CEP128: variants seen among roughly 807,000 people sequenced by gnomAD.
CEP128 encodes centrosomal protein 128kDa.
A neutral mutation model predicts 156.7 loss-of-function variants in CEP128; 132 were observed. The ratio of observed to expected loss-of-function variants is 0.84; its 90% CI spans 0.73 to 0.97. The LOEUF (loss-of-function observed/expected upper bound fraction) is 0.97. Among genes scored for constraint, CEP128 ranks in the 50% least tolerant of loss-of-function variants. The pLI is 0.00. For synonymous variants in CEP128, 469 were observed against 448.9 expected (o/e 1.04, Z -0.57); for missense variants, 1,252 against 1,281.9 (o/e 0.98, Z 0.36).
At chr14:80,592,660 C>A (rs1595058353) in intron 19 of CEP128, among the ~76,000 whole-genome samples, 1 of 152,102 alleles carries the variant, frequency 6.6e-6, no homozygotes, top group Admixed American at 6.5e-5. Flanking sequence ...GAGGCCAGCA[C>A]CATCCTGATA....
rs71103882 is a variant in CEP128 at position 80,801,910 on chromosome 14, C to CAAAAAAAAAAAAAAAAAAAAAAA, written c.1210-8823_1210-8801dup. ...GTGACAGTGTGAGACTCTGTCTCCC[C>CAAAAAAAAAAAAAAAAAAAAAAA]AAAAAAAAAAAAAAAAAAAAAAAAA... On this transcript the variant is annotated intron_variant, in intron 13 of 24. Transcript: ENST00000555265. Among the ~76,000 whole-genome samples the CAAAAAAAAAAAAAAAAAAAAAAA allele has an allele frequency of 6.9e-5, 3 of 43,386 alleles. 1 individual carries two copies. Among genetic ancestry groups the CAAAAAAAAAAAAAAAAAAAAAAA allele is most frequent in the African/African-American group, 3.4e-4 (3 of 8,786 alleles). The allele number at this position is 43,386 out of a possible 152,430, so 28.5% of individuals were successfully genotyped here.
At chr14:80,812,933 T>G (rs897168898) in intron 13 of CEP128, among the ~76,000 whole-genome samples, 1 of 152,192 alleles carries the variant, frequency 6.6e-6, no homozygotes, top group African/African-American at 2.4e-5. Flanking sequence ...AGGTGGTATC[T>G]CCTTGTGTGT....
intron 15 of CEP128, among the ~76,000 whole-genome samples, chr14:80,778,782 G>A (rs1480231808): frequency 1.3e-5 from 2 of 152,074 alleles, no homozygotes; most frequent in Non-Finnish European, 2.9e-5. Flanking sequence ...AGATTTGTCA[G>A]GTATGTGAAC....
At position 80,598,222 on chromosome 14, in the gene CEP128, A is replaced by C. The variant is rs1434899825; in HGVS notation, c.2807-17799T>G. On this transcript the variant is annotated intron_variant, in intron 19 of 24. Transcript: ENST00000555265. ...CAAAGAATCTACAAAACAAAACAAC[A>C]ATAAAAGCCCACCTCAAACAACCAA... Among the ~76,000 whole-genome samples the C allele has an allele frequency of 2.0e-5, 3 of 152,150 alleles. No individual in the cohort carries two copies. In the East Asian group the frequency reaches 5.8e-4, roughly 29 times the overall value.
At chr14:80,608,192 C>T (rs1423117583) in intron 19 of CEP128, among the ~76,000 whole-genome samples, 2 of 152,212 alleles carry the variant, frequency 1.3e-5, no homozygotes, top group East Asian at 3.8e-4. Context: ...TGATTTTCTT[C>T]ATAGTACTTT....
At chr14:80,827,768 A>AT (rs1480141786) in intron 13 of CEP128, among the ~76,000 whole-genome samples, 1 of 152,220 alleles carries the variant, frequency 6.6e-6, no homozygotes. Flanking sequence ...AGATTAGGAG[A>AT]TTGGTGCCCT....
chr14:80,883,194 AT>A (rs947186482), intron 8 of CEP128, among the ~76,000 whole-genome samples: 1 of 152,124 alleles, frequency 6.6e-6, no homozygotes, highest in Non-Finnish European at 1.5e-5. Flanking sequence ...TACCCGCAAA[AT>A]TTTAAATAAA....
At chr14:80,736,197 A>C (rs1006580755) in intron 19 of CEP128, among the ~76,000 whole-genome samples, 1 of 152,048 alleles carries the variant, frequency 6.6e-6, no homozygotes, top group East Asian at 1.9e-4. Flanking sequence ...AACAACAAAT[A>C]GTCAAAATGT....
chr14:80,514,176 C>A (rs1340462553), intron 23 of CEP128, among the ~76,000 whole-genome samples: 1 of 152,186 alleles, frequency 6.6e-6, no homozygotes, highest in African/African-American at 2.4e-5. Flanking sequence ...AGTTGTCCCA[C>A]CTTTCTGAAC....
chr14:80,932,627 T>A (rs1033624708), intron 2 of CEP128, among the ~76,000 whole-genome samples: 1 of 152,128 alleles, frequency 6.6e-6, no homozygotes, highest in East Asian at 1.9e-4. Flanking sequence ...CTGTCTCCCA[T>A]GACCCCAAGA....
At chr14:80,822,806 A>G (rs1014938890) in intron 13 of CEP128, 9 of 745,108 alleles carry the variant, frequency 1.2e-5, no homozygotes, top group African/African-American at 1.0e-4. Context: ...AAGTGTGTGC[A>G]TTTTTGATAA....
chr14:80,584,563 C>A (rs935837200), intron 19 of CEP128, among the ~76,000 whole-genome samples: 1 of 152,268 alleles, frequency 6.6e-6, no homozygotes, highest in South Asian at 2.1e-4. Flanking sequence ...ACTGCTCACT[C>A]GTTAGGTGCA....
chr14:80,902,520 C>T (rs12050342), intron 6 of CEP128, among the ~76,000 whole-genome samples: 66,600 of 151,984 alleles, frequency 0.44, 15,004 homozygotes, highest in South Asian at 0.56. Flanking sequence ...GTACCTAATC[C>T]TAAAACTACC....
chr14:80,513,809 A>G (rs1330643306), intron 23 of CEP128, among the ~76,000 whole-genome samples: 7 of 152,194 alleles, frequency 4.6e-5, no homozygotes, highest in Non-Finnish European at 1.0e-4. Flanking sequence ...TTTACCCCAA[A>G]ACACGTTTTT....
chr14:80,608,571 T>C (rs958025429), intron 19 of CEP128, among the ~76,000 whole-genome samples: 6 of 152,176 alleles, frequency 3.9e-5, no homozygotes, highest in African/African-American at 1.4e-4. Flanking sequence ...TCTGTTTAAT[T>C]TTCCAGTCTC....
intron 9 of CEP128, among the ~76,000 whole-genome samples, chr14:80,852,143 CAG>C (rs1188091989): frequency 1.3e-5 from 2 of 151,786 alleles, no homozygotes; most frequent in African/African-American, 4.8e-5. Context: ...ATCCAAAACA[CAG>C]AAAAATATTT....
intron 24 of CEP128, among the ~76,000 whole-genome samples, chr14:80,500,068 C>T (rs141103441): frequency 6.7e-4 from 102 of 152,290 alleles, no homozygotes; most frequent in African/African-American, 2.0e-3. Flanking sequence ...TCCCTTCTTC[C>T]TGGCAGAAGG....
intron 2 of CEP128, among the ~76,000 whole-genome samples, chr14:80,950,167 C>T (rs532142065): frequency 2.0e-5 from 3 of 152,020 alleles, no homozygotes; most frequent in Admixed American, 1.3e-4. Flanking sequence ...GTGATATAAC[C>T]CAAAAGATGT....
intron 2 of CEP128, among the ~76,000 whole-genome samples, chr14:80,951,768 T>C (rs1391993839): frequency 6.6e-6 from 1 of 151,996 alleles, no homozygotes; most frequent in Admixed American, 6.5e-5. Flanking sequence ...GAACTGCACA[T>C]TTAATATAAA....
Sources: allele counts gnomAD v4.1 joint callset (sites outside exome capture counted in the v4.1 genomes callset), GRCh38; gene constraint gnomAD v4.1.1; transcripts MANE v1.5; gene names NCBI Gene and HGNC (gene_info 2026-07-23, HGNC 2026-07-21).